Variants in DNAJC13 observed in about 807,000 individuals in gnomAD.
DNAJC13 encodes DnaJ heat shock protein family (Hsp40) member C13, also known as dnaJ homolog subfamily C member 13.
Under a neutral mutation model 290.5 loss-of-function variants are expected in DNAJC13, and 75 were observed. The observed-to-expected ratio is 0.26, with a 90% confidence interval of 0.21 to 0.31. The LOEUF is 0.31. Among genes scored for constraint, DNAJC13 ranks in the 10% least tolerant of loss-of-function variants. DNAJC13 has a pLI of 1.00. For missense variants in DNAJC13, 2,260 were observed against 2,674.5 expected (o/e 0.85, Z 3.42); for synonymous variants, 862 against 892.0 (o/e 0.97, Z 0.60).
intron 29 of DNAJC13, among the ~76,000 whole-genome samples, chr3:132,485,869 A>G (rs1231632520): frequency 6.6e-6 from 1 of 152,200 alleles, no homozygotes; most frequent in African/African-American, 2.4e-5. Flanking sequence ...TTAAACCCAA[A>G]TAAGTCAGGT....
intron 48 of DNAJC13, among the ~76,000 whole-genome samples, chr3:132,518,496 G>T (rs933763187): frequency 1.3e-5 from 2 of 151,994 alleles, no homozygotes; most frequent in Non-Finnish European, 2.9e-5. Context: ...GGCACTACAG[G>T]CACGCACCAC....
chr3:132,510,872 A>G (rs1204943322), intron 43 of DNAJC13, among the ~76,000 whole-genome samples, 195 bp from the exon 44 acceptor site: 1 of 152,206 alleles, frequency 6.6e-6, no homozygotes, highest in Non-Finnish European at 1.5e-5. Flanking sequence ...GGAGTATATC[A>G]GATCTCTGGA....
intron 1 of DNAJC13, among the ~76,000 whole-genome samples, chr3:132,432,870 T>A (rs948557027): frequency 2.0e-5 from 3 of 152,216 alleles, no homozygotes; most frequent in Non-Finnish European, 4.4e-5. Flanking sequence ...GAGGAGTGCA[T>A]TAATCAAACC....
intron 21 of DNAJC13, 104 bp from the exon 22 acceptor site, chr3:132,474,828 T>TG: frequency 8.2e-6 from 1 of 122,190 alleles, no homozygotes; most frequent in Non-Finnish European, 1.7e-5. Flanking sequence ...CCCCCCCCCT[T>TG]TTTTTTTTTT....
intron 20 of DNAJC13, among the ~76,000 whole-genome samples, chr3:132,470,538 GCTC>G (rs1934168694): frequency 7.3e-6 from 1 of 136,718 alleles, no homozygotes; most frequent in African/African-American, 2.8e-5. Flanking sequence ...GGGCAGAGGG[GCTC>G]CTCACTTCCC....
intron 48 of DNAJC13, 116 bp from the exon 49 acceptor site, chr3:132,522,712 C>T: frequency 1.2e-6 from 1 of 838,450 alleles, no homozygotes; most frequent in Non-Finnish European, 1.8e-6. Flanking sequence ...ATGGTTATGG[C>T]CCACATAAGT....
intron 44 of DNAJC13, among the ~76,000 whole-genome samples, chr3:132,511,803 TCTAA>T (rs1241701624): frequency 2.0e-5 from 3 of 152,106 alleles, no homozygotes; most frequent in African/African-American, 7.2e-5. Flanking sequence ...TTCTCTCAAC[TCTAA>T]CTTAGATAAT....
intron 28 of DNAJC13, among the ~76,000 whole-genome samples, chr3:132,484,069 TTACTG>T (rs1576490932): frequency 6.6e-6 from 1 of 152,226 alleles, no homozygotes; most frequent in East Asian, 1.9e-4. Flanking sequence ...TTTTGATTCA[TTACTG>T]TACTAAAGAT....
In DNAJC13 at chr3:132,499,296, G is replaced by C. The variant is rs759393859; in HGVS notation, c.4327G>C (p.Glu1443Gln). Residue 1443 changes from glutamate (E) to glutamine (Q), a missense_variant, in exon 37 of 56, where the codon GAG (glutamate) becomes CAG (glutamine). By Grantham distance (29) the Glu-to-Gln change is conservative (BLOSUM62 2). This residue lies in a region of DNAJC13 where 1,494 missense variants were observed against 1,693.7 expected (regional missense o/e 0.88). Transcript: ENST00000260818. Reference protein sequence around the residue: ...SALNAEELRRENGLEVLQEAF... With the variant: ...SALNAEELRRQNGLEVLQEAF... ...CCTCAATGCTGAAGAGCTCAGAAGA[G>C]AGAATGGACTAGAGGTAATACGGAG... 6.2e-7 allele frequency: 1 copy of C among 1,607,792 alleles called. No individual in the cohort carries two copies. The highest frequency in any genetic ancestry group is 1.7e-5 in the Admixed American group (1 of 59,374).
chr3:132,467,136 C>G (rs1255766711), intron 19 of DNAJC13, 34 bp from the exon 20 acceptor site: 1 of 1,583,510 alleles, frequency 6.3e-7, no homozygotes, highest in Non-Finnish European at 8.6e-7. Context: ...AATTTGCAAA[C>G]AGGCATGTAA....
chr3:132,425,464 T>C (rs1939065749), intron 1 of DNAJC13, among the ~76,000 whole-genome samples: 1 of 152,200 alleles, frequency 6.6e-6, no homozygotes, highest in Admixed American at 6.5e-5. Context: ...GGTTTTTACA[T>C]TAACATTTTA....
At position 132,523,713 on chromosome 3, in the gene DNAJC13, T is replaced by G. The variant is rs1211421614; in HGVS notation, c.6060T>G (p.His2020Gln). 6.2e-7 allele frequency: 1 copy of G among 1,611,654 alleles called. No homozygotes were observed. The highest frequency in any genetic ancestry group is 1.7e-5 in the Admixed American group (1 of 59,514). The change falls in exon 51 of 56, where the codon CAT becomes CAG. Residue 2020 changes from histidine (H) to glutamine (Q), a missense_variant and splice_region_variant. By Grantham distance (24) the His-to-Gln change is conservative. This residue lies in a region of DNAJC13 where 1,494 missense variants were observed against 1,693.7 expected (regional missense o/e 0.88). Coordinates refer to ENST00000260818, the MANE Select transcript of DNAJC13 (RefSeq NM_015268.4). The part of the protein sequence containing the change: ...LTELLEKNNP[H>Q]GETLETLTMA... Reference sequence around the variant, plus strand: ...AGCTCCTAGAGAAGAACAATCCTCATGTAAGCTTCAGTCAAAAGCAAAACA... The same window carrying G: ...AGCTCCTAGAGAAGAACAATCCTCAGGTAAGCTTCAGTCAAAAGCAAAACA...
chr3:132,480,572 T>G, intron 26 of DNAJC13, 102 bp downstream of exon 26: 1 of 840,610 alleles, frequency 1.2e-6, no homozygotes, highest in Admixed American at 2.5e-5. Context: ...CACACACTTA[T>G]TTTTCCAGTA....
At chr3:132,432,596 C>T (rs573233494) in intron 1 of DNAJC13, among the ~76,000 whole-genome samples, 1 of 152,262 alleles carries the variant, frequency 6.6e-6, no homozygotes, top group East Asian at 1.9e-4. Context: ...AACTTTTATT[C>T]AAAATGAAGT....
intron 14 of DNAJC13, among the ~76,000 whole-genome samples, 189 bp from the exon 15 acceptor site, chr3:132,460,861 A>G (rs1172893833): frequency 1.3e-5 from 2 of 152,206 alleles, no homozygotes; most frequent in African/African-American, 4.8e-5. Flanking sequence ...GGTATGATGG[A>G]TAATGGATTC....
intron 29 of DNAJC13, among the ~76,000 whole-genome samples, chr3:132,486,121 T>C (rs908544684): frequency 4.1e-5 from 6 of 146,396 alleles, no homozygotes; most frequent in Non-Finnish European, 7.5e-5. Context: ...CCAATTTCTG[T>C]TATTTAAGCA....
intron 2 of DNAJC13, among the ~76,000 whole-genome samples, chr3:132,437,119 T>G (rs914228552): frequency 6.6e-6 from 1 of 152,042 alleles, no homozygotes; most frequent in Admixed American, 6.5e-5. Context: ...CCTCAAGTAA[T>G]CCGCCCGCCT....
At chr3:132,506,751 C>T (rs563303794) in intron 42 of DNAJC13, among the ~76,000 whole-genome samples, 3 of 151,870 alleles carry the variant, frequency 2.0e-5, no homozygotes, top group Admixed American at 1.3e-4. Flanking sequence ...AGGGTTTCAC[C>T]ATGTTGGCCA....
In DNAJC13 at chr3:132,488,978, T is replaced by G. The variant is rs760816216; in HGVS notation, c.3425T>G (p.Phe1142Cys). The G allele has an allele frequency of 1.2e-5, 20 of 1,606,306 alleles. No individual in the cohort carries two copies. The African/African-American group carries it at 2.7e-4, about 22-fold the overall frequency. The change falls in exon 31 of 56, where the codon TTT becomes TGT. Residue 1142 changes from phenylalanine (F) to cysteine (C), a missense_variant and splice_region_variant. Coordinates refer to ENST00000260818, the MANE Select transcript of DNAJC13 (RefSeq NM_015268.4). ...TGSNVLPVAR[F>C]LKYTHTKQAF... ...AGATAATTCATTTTTCTTTCTAGAT[T>G]TTTGAAATACACACATACCAAACAG...
Sources: gnomAD v4.1 joint callset for allele counts (sites outside exome capture counted in the v4.1 genomes callset) on GRCh38, gnomAD v4.1.1 for gene constraint, gnomAD v4.1.1 regional missense constraint, MANE v1.5 for transcripts, NCBI Gene and HGNC (gene_info 2026-07-23, HGNC 2026-07-21) for gene names.